The following AGAP1 variants were observed in gnomAD, a reference collection of about 807,000 sequenced individuals.
AGAP1 encodes the protein arf-GAP with GTPase, ANK repeat and PH domain-containing protein 1.
A neutral mutation model predicts 105.3 loss-of-function variants in AGAP1; 29 were observed. The ratio of observed to expected loss-of-function variants is 0.28; its 90% CI spans 0.21 to 0.38. AGAP1 has a LOEUF of 0.38. Ranked by LOEUF, AGAP1 falls within the 10% of genes least tolerant of loss-of-function variation. The pLI, the probability that AGAP1 is intolerant of heterozygous loss-of-function variation, is 1.00. For synonymous variants in AGAP1, 509 were observed against 485.9 expected, an observed-to-expected ratio of 1.05 and a Z score of -0.63; for missense variants, 998 against 1,165.1, an observed-to-expected ratio of 0.86 and a Z score of 2.09.
intron 16 of AGAP1, among the ~76,000 whole-genome samples, chr2:236,088,065 G>A (rs762594753): frequency 7.9e-5 from 12 of 152,170 alleles, no homozygotes; most frequent in Non-Finnish European, 1.8e-4. Context: ...CAGTCTCCAC[G>A]ATGGTTATTT....
chr2:235,826,134 G>C (rs564944968), intron 9 of AGAP1, among the ~76,000 whole-genome samples: 4 of 152,348 alleles, frequency 2.6e-5, no homozygotes, highest in East Asian at 1.9e-4. Flanking sequence ...TTAGTTGTTG[G>C]CTCCAGTAGA....
intron 16 of AGAP1, among the ~76,000 whole-genome samples, chr2:236,097,833 T>C (rs2059232963): frequency 6.6e-6 from 1 of 152,152 alleles, no homozygotes; most frequent in Non-Finnish European, 1.5e-5. Context: ...CCACTTCCCC[T>C]GGCCCCCACC....
intron 16 of AGAP1, among the ~76,000 whole-genome samples, chr2:236,067,913 A>G (rs2058388988): frequency 6.6e-6 from 1 of 152,192 alleles, no homozygotes; most frequent in South Asian, 2.1e-4. Context: ...GTCCTGTGCT[A>G]TCTCATCTGG....
At position 236,096,259 on chromosome 2, in the gene AGAP1, G is replaced by C. The variant is rs141260220; in HGVS notation, c.2115-23933G>C. 2.4e-3 allele frequency among the ~76,000 whole-genome samples: 370 copies of C among 152,218 alleles called. 2 individuals are homozygous for C. The highest frequency in any genetic ancestry group is 8.3e-3 in the African/African-American group (344 of 41,546). On this transcript the variant is annotated intron_variant, in intron 16 of 17. Coordinates refer to ENST00000304032, the MANE Select transcript of AGAP1 (RefSeq NM_001037131.3). This position sits in a 1 kb window ranked among gnomAD's most constrained non-coding sequence, Gnocchi z 4.4. ...CTCACGCCTGTAATCCCAGCACTTC[G>C]GGAGGCCAAGGCGGGGGAATCCCTG...
chr2:235,855,779 G>C lies in AGAP1; in HGVS notation c.1051-27566G>C, dbSNP rs2048661219. 6.6e-6 allele frequency among the ~76,000 whole-genome samples: 1 copy of C among 152,144 alleles called. No individual in the cohort carries two copies. Among genetic ancestry groups the C allele is most frequent in the Non-Finnish European group, 1.5e-5 (1 of 68,032 alleles). ...TGACAGTGACAAGTGGGTGATTGGG[G>C]ACACGTCCTTGAGGCTCATGCCTTA... On this transcript the variant is annotated intron_variant, in intron 9 of 17. Transcript: ENST00000304032. This position sits in a 1 kb window ranked among gnomAD's most constrained non-coding sequence, Gnocchi z 5.0.
chr2:235,651,579 C>T (rs1294305585), intron 1 of AGAP1, among the ~76,000 whole-genome samples: 1 of 152,130 alleles, frequency 6.6e-6, no homozygotes, highest in South Asian at 2.1e-4. Flanking sequence ...ACAGTGATGT[C>T]GACGACGTAG....
rs146959893 is a variant in AGAP1 at position 235,785,980 on chromosome 2, T to A, written c.674-11779T>A. ...TGGAAGAGTGTTGAGGAGCCTCACG[T>A]GCAGATTGAAGAATTGCCGGGTGAG... On this transcript the variant is annotated intron_variant, in intron 6 of 17. Coordinates refer to ENST00000304032, the MANE Select transcript of AGAP1 (RefSeq NM_001037131.3). Among the ~76,000 whole-genome samples, 1,203 of 152,340 alleles carry A rather than the reference T, an allele frequency of 7.9e-3. 17 individuals are homozygous for A. The highest frequency in any genetic ancestry group is 0.028 in the African/African-American group (1,160 of 41,576).
chr2:236,099,316 G>C (rs540825075), intron 16 of AGAP1, among the ~76,000 whole-genome samples: 3 of 151,892 alleles, frequency 2.0e-5, no homozygotes, highest in Non-Finnish European at 2.9e-5. Flanking sequence ...TTAGCTGGGC[G>C]TGGTGGCGAG....
chr2:235,648,737 A>C (rs1223252006), intron 1 of AGAP1, among the ~76,000 whole-genome samples: 1 of 142,034 alleles, frequency 7.0e-6, no homozygotes, highest in African/African-American at 2.6e-5. Flanking sequence ...AAAAAAAAAC[A>C]TTAGCTGGGC....
chr2:235,663,561 G>A lies in AGAP1; in HGVS notation c.164-45618G>A, dbSNP rs763794780. On this transcript the variant is annotated intron_variant, in intron 1 of 17. Transcript: ENST00000304032. The surrounding 1 kb of genome is among the most constrained non-coding windows in gnomAD (Gnocchi z 5.4). The stretch of plus-strand genomic sequence containing the variant: ...CTTCCAGAAGCTGGGCTTTGTAATG[G>A]GGCTGGCAAAAATTCCCAGGGCATC... 5.3e-5 allele frequency among the ~76,000 whole-genome samples: 8 copies of A among 152,276 alleles called. No individual in the cohort carries two copies. Among genetic ancestry groups the A allele is most frequent in the Non-Finnish European group, 5.9e-5 (4 of 68,014 alleles).
Position 235,930,038 on chromosome 2 carries a change from G to A in AGAP1, c.1325-727G>A, listed in dbSNP as rs2052647603. ...TATGATTGGCTGAGCTTTAGAGAAA[G>A]GCACTTAATTATGTTTTTGAGTCTA... On this transcript the variant is annotated intron_variant, in intron 11 of 17. Transcript: ENST00000304032. The surrounding 1 kb of genome is among the most constrained non-coding windows in gnomAD (Gnocchi z 7.9). 6.6e-6 allele frequency among the ~76,000 whole-genome samples: 1 copy of A among 152,164 alleles called. No homozygotes were observed. The highest frequency in any genetic ancestry group is 6.5e-5 in the Admixed American group (1 of 15,280).
In AGAP1 at chr2:235,623,560, A is replaced by C. The variant is rs1291614530; in HGVS notation, c.164-85619A>C. On this transcript the variant is annotated intron_variant, in intron 1 of 17. Coordinates refer to ENST00000304032, the MANE Select transcript of AGAP1 (RefSeq NM_001037131.3). The surrounding 1 kb of genome is among the most constrained non-coding windows in gnomAD (Gnocchi z 4.5). ...TCCTGTGCTGCTGGGCCTTCACAGC[A>C]TGGTGCTCCCAAGCTAGTTGCTGAA... 6.6e-6 allele frequency among the ~76,000 whole-genome samples: 1 copy of C among 152,124 alleles called. No homozygotes were observed. The highest frequency in any genetic ancestry group is 2.4e-5 in the African/African-American group (1 of 41,416).
At position 235,557,207 on chromosome 2, in the gene AGAP1, C is replaced by T. The variant is rs1049375099; in HGVS notation, c.163+62358C>T. Reference sequence around the variant, plus strand: ...CATTCATGATCCTGGGAGGTGAAGCCCTGGGAACTGCCACTTGGAATGAGA... The same window carrying T: ...CATTCATGATCCTGGGAGGTGAAGCTCTGGGAACTGCCACTTGGAATGAGA... On this transcript the variant is annotated intron_variant, in intron 1 of 17. Transcript: ENST00000304032. This position sits in a 1 kb window ranked among gnomAD's most constrained non-coding sequence, Gnocchi z 4.7. Among the ~76,000 whole-genome samples the T allele has an allele frequency of 1.3e-5, 2 of 152,018 alleles. No individual in the cohort carries two copies. The highest frequency in any genetic ancestry group is 2.9e-5 in the Non-Finnish European group (2 of 68,000).
At position 235,728,320 on chromosome 2, in the gene AGAP1, T is replaced by TGTGTGTGTGTGTGC. The variant is rs1328525428; in HGVS notation, c.310+10683_310+10684insTGTGTGCGTGTGTG. The stretch of plus-strand genomic sequence containing the variant: ...CAGACTCTGTGTGTGTGTGTGTGTG[T>TGTGTGTGTGTGTGC]GTGTGTGCGTGCTCTTAAATCAATG... On this transcript the variant is annotated intron_variant, in intron 3 of 17. Transcript: ENST00000304032. The surrounding 1 kb of genome is among the most constrained non-coding windows in gnomAD (Gnocchi z 4.3). Among the ~76,000 whole-genome samples the TGTGTGTGTGTGTGC allele has an allele frequency of 6.6e-6, 1 of 151,718 alleles. No homozygotes were observed. The highest frequency in any genetic ancestry group is 2.4e-5 in the African/African-American group (1 of 41,148).
intron 16 of AGAP1, among the ~76,000 whole-genome samples, chr2:236,088,650 T>C (rs2058987531): frequency 6.6e-6 from 1 of 152,256 alleles, no homozygotes; most frequent in Non-Finnish European, 1.5e-5. Flanking sequence ...GTTAATTATT[T>C]ATCTGGGTTT....
In AGAP1 at chr2:236,035,429, T is replaced by A. The variant is rs868754974; in HGVS notation, c.1646-1132T>A. Among the ~76,000 whole-genome samples the A allele has an allele frequency of 6.6e-5, 10 of 151,988 alleles. No homozygotes were observed. Among genetic ancestry groups the A allele is most frequent in the Middle Eastern group, 3.4e-3 (1 of 294 alleles). On this transcript the variant is annotated intron_variant, in intron 13 of 17. Coordinates refer to ENST00000304032, the MANE Select transcript of AGAP1 (RefSeq NM_001037131.3). The surrounding 1 kb of genome is among the most constrained non-coding windows in gnomAD (Gnocchi z 4.2). ...AGTGAGGATCACTTGAGATCAGGAG[T>A]TTGAGACCAGCCTAGGGAGACACCA...
rs1221794985 is a variant in AGAP1 at position 236,001,479 on chromosome 2, G to A, written c.1645+32856G>A. On this transcript the variant is annotated intron_variant, in intron 13 of 17. Coordinates refer to ENST00000304032, the MANE Select transcript of AGAP1 (RefSeq NM_001037131.3). The surrounding 1 kb of genome is among the most constrained non-coding windows in gnomAD (Gnocchi z 4.7). ...TCCCTCTGGCGGCTGGGCAGAGTGG[G>A]CTGCAGGGGCTGAAGTAGGCAGTGG... Among the ~76,000 whole-genome samples the A allele has an allele frequency of 6.6e-6, 1 of 152,170 alleles. No individual in the cohort carries two copies. Among genetic ancestry groups the A allele is most frequent in the Non-Finnish European group, 1.5e-5 (1 of 68,040 alleles).
intron 10 of AGAP1, among the ~76,000 whole-genome samples, chr2:235,885,386 GT>G (rs2050227521): frequency 6.6e-6 from 1 of 152,186 alleles, no homozygotes; most frequent in Non-Finnish European, 1.5e-5. Context: ...TTTACTTTCA[GT>G]TTTTTCACTG....
Position 235,970,913 on chromosome 2 carries a change from A to G in AGAP1, c.1645+2290A>G, listed in dbSNP as rs1209703908. Among the ~76,000 whole-genome samples, 1 of 152,248 alleles carries G rather than the reference A, an allele frequency of 6.6e-6. No homozygotes were observed. Among genetic ancestry groups the G allele is most frequent in the Non-Finnish European group, 1.5e-5 (1 of 68,056 alleles). ...CAGGCTGAGACACGGGCTCTGTCCA[A>G]GCAGCAAATGGGGGCCCCTTTCCTT... On this transcript the variant is annotated intron_variant, in intron 13 of 17. Coordinates refer to ENST00000304032, the MANE Select transcript of AGAP1 (RefSeq NM_001037131.3). This position sits in a 1 kb window ranked among gnomAD's most constrained non-coding sequence, Gnocchi z 5.4.
Sources: allele counts gnomAD v4.1 joint callset (sites outside exome capture counted in the v4.1 genomes callset), GRCh38; gene constraint gnomAD v4.1.1; non-coding constraint Gnocchi (gnomAD v3.1); transcripts MANE v1.5; gene names NCBI Gene and HGNC (gene_info 2026-07-23, HGNC 2026-07-21).